The following NELL1 variants were observed in gnomAD, a reference collection of about 807,000 sequenced individuals.
The protein encoded by NELL1 is protein kinase C-binding protein NELL1.
A neutral mutation model predicts 107.4 loss-of-function variants in NELL1; 76 were observed. The ratio of observed to expected loss-of-function variants is 0.71; its 90% CI spans 0.59 to 0.86. The LOEUF is 0.86. Among genes scored for constraint, NELL1 ranks in the 40% least tolerant of loss-of-function variants. The pLI is 0.00. For synonymous variants in NELL1, 353 were observed against 341.2 expected (o/e 1.03, Z -0.38); for missense variants, 1,024 against 1,005.5 (o/e 1.02, Z -0.25).
chr11:21,523,592 G>A (rs186658430), intron 15 of NELL1, among the ~76,000 whole-genome samples: 21 of 152,150 alleles, frequency 1.4e-4, no homozygotes, highest in Admixed American at 5.9e-4. Flanking sequence ...CTGATTACCT[G>A]ACTGGTATTC....
chr11:21,493,358 A>T (rs1452688004), intron 15 of NELL1, among the ~76,000 whole-genome samples: 1 of 152,106 alleles, frequency 6.6e-6, no homozygotes, highest in Non-Finnish European at 1.5e-5. Context: ...CAGACAAATG[A>T]ATAAAGTAAA....
intron 13 of NELL1, among the ~76,000 whole-genome samples, chr11:21,125,602 G>T (rs1167751858): frequency 5.9e-5 from 9 of 152,180 alleles, no homozygotes; most frequent in African/African-American, 1.7e-4. Flanking sequence ...GTTCTAAATT[G>T]TGAGTTACAG....
chr11:20,785,781 A>G (rs535654185), intron 3 of NELL1, among the ~76,000 whole-genome samples: 101 of 152,326 alleles, frequency 6.6e-4, no homozygotes, highest in African/African-American at 2.3e-3. Context: ...TCTAAGGAAG[A>G]AAAAGGATTG....
intron 12 of NELL1, among the ~76,000 whole-genome samples, chr11:20,997,529 G>A (rs1225712476): frequency 6.6e-6 from 1 of 152,186 alleles, no homozygotes; most frequent in Non-Finnish European, 1.5e-5. Flanking sequence ...AGGTAATAGT[G>A]ATGTGCCAAT....
At chr11:21,414,155 A>G (rs1313040240) in intron 15 of NELL1, among the ~76,000 whole-genome samples, 18 of 152,074 alleles carry the variant, frequency 1.2e-4, no homozygotes, top group Admixed American at 1.2e-3. Context: ...TGAAAGATGT[A>G]GTAGAGGTTC....
chr11:20,868,553 C>T (rs1362032575), intron 4 of NELL1, among the ~76,000 whole-genome samples: 2 of 151,860 alleles, frequency 1.3e-5, no homozygotes, highest in African/African-American at 4.8e-5. Flanking sequence ...TTATAAACAT[C>T]ACAATTTAAA....
chr11:21,177,990 T>C (rs1488657450), intron 13 of NELL1, among the ~76,000 whole-genome samples: 1 of 151,930 alleles, frequency 6.6e-6, no homozygotes, highest in Non-Finnish European at 1.5e-5. Context: ...TGGAGTACTT[T>C]GAGTTTCTTA....
chr11:20,994,874 A>G (rs1438449233), intron 12 of NELL1, among the ~76,000 whole-genome samples: 5 of 152,228 alleles, frequency 3.3e-5, no homozygotes, highest in East Asian at 1.9e-4. Flanking sequence ...ATAAAATGTC[A>G]TAAATAATTA....
At chr11:20,689,321 C>T (rs1296928565) in intron 2 of NELL1, among the ~76,000 whole-genome samples, 2 of 151,240 alleles carry the variant, frequency 1.3e-5, no homozygotes, top group African/African-American at 2.4e-5. Flanking sequence ...TTTTAGGGTA[C>T]ATGTGCACAA....
intron 14 of NELL1, among the ~76,000 whole-genome samples, chr11:21,325,546 T>A (rs1036417328): frequency 6.8e-6 from 1 of 147,836 alleles, no homozygotes; most frequent in African/African-American, 2.4e-5. Context: ...ACCTTTTCAT[T>A]GCTAATAAGA....
intron 15 of NELL1, among the ~76,000 whole-genome samples, chr11:21,529,044 AG>A (rs1398553270): frequency 2.6e-5 from 4 of 152,140 alleles, no homozygotes; most frequent in African/African-American, 9.7e-5. Context: ...AGCAATAAAA[AG>A]CAACTCCAAG....
At chr11:21,008,480 T>C (rs1852376569) in intron 12 of NELL1, among the ~76,000 whole-genome samples, 1 of 152,144 alleles carries the variant, frequency 6.6e-6, no homozygotes, top group South Asian at 2.1e-4. Context: ...TGGGATCTAG[T>C]CAGACTGGGA....
intron 6 of NELL1, among the ~76,000 whole-genome samples, chr11:20,918,833 G>T (rs1474901690): frequency 1.3e-5 from 2 of 151,912 alleles, no homozygotes; most frequent in Non-Finnish European, 2.9e-5. Context: ...TTGAAAAGAA[G>T]AGGGTTACAT....
At chr11:20,730,018 G>T (rs1590240311) in intron 2 of NELL1, among the ~76,000 whole-genome samples, 1 of 152,264 alleles carries the variant, frequency 6.6e-6, no homozygotes, top group East Asian at 1.9e-4. Context: ...AATTTCCAAG[G>T]AGGACACTTG....
At chr11:21,200,341 A>G (rs1228332116) in intron 13 of NELL1, among the ~76,000 whole-genome samples, 1 of 152,152 alleles carries the variant, frequency 6.6e-6, no homozygotes. Context: ...TGTCATTCTA[A>G]CTGGAATGAG....
intron 9 of NELL1, among the ~76,000 whole-genome samples, chr11:20,935,287 G>A (rs1484067331): frequency 1.3e-5 from 2 of 152,156 alleles, no homozygotes; most frequent in Non-Finnish European, 2.9e-5. Flanking sequence ...ATTAACCAGT[G>A]TTAAAGGGTA....
rs942874952 is a variant in NELL1, at chr11:21,451,197, A to G, written c.1645+80249A>G. On this transcript the variant is annotated intron_variant, in intron 15 of 19. Transcript: ENST00000357134. ...GATAGACTCCGTCTAAAAAAAAAAA[A>G]AAAAAGAAAAAAAAAAGAAAAAAGA... Among the ~76,000 whole-genome samples, 11 of 139,744 alleles carry G rather than the reference A, an allele frequency of 7.9e-5. No homozygotes were observed. The East Asian group carries it at 1.8e-3, about 23-fold the overall frequency. 91.7% of individuals were successfully genotyped at this position (139,744 alleles called of 152,430 possible). A position where few individuals can be genotyped will look rare whatever the true frequency, so the allele number is the denominator to read the frequency against.
intron 16 of NELL1, among the ~76,000 whole-genome samples, chr11:21,559,749 C>T (rs1399449208): frequency 2.6e-5 from 4 of 152,068 alleles, no homozygotes; most frequent in Non-Finnish European, 4.4e-5. Context: ...CACATCTTTT[C>T]TAAAAGACTC....
At chr11:20,896,384 T>C (rs957265891) in intron 5 of NELL1, among the ~76,000 whole-genome samples, 4 of 152,242 alleles carry the variant, frequency 2.6e-5, no homozygotes, top group Non-Finnish European at 4.4e-5. Flanking sequence ...CATTGGTTGA[T>C]GGACATTTAG....
Sources: allele counts gnomAD v4.1 joint callset (sites outside exome capture counted in the v4.1 genomes callset), GRCh38; gene constraint gnomAD v4.1.1; transcripts MANE v1.5; gene names NCBI Gene and HGNC (gene_info 2026-07-23, HGNC 2026-07-21).